ELFN1: variants seen among roughly 807,000 people sequenced by gnomAD.
ELFN1 encodes protein ELFN1.
Under a neutral mutation model 7.6 loss-of-function variants are expected in ELFN1, and 6 were observed. That is an observed-to-expected ratio of 0.79 (90% CI 0.43 to 1.56). ELFN1 has a LOEUF of 1.56. Ranked by LOEUF, ELFN1 falls within the 40% of genes most tolerant of loss-of-function variation. The pLI is 0.01. For missense variants in ELFN1, 1,169 were observed against 1,232.2 expected (o/e 0.95, Z 0.77); for synonymous variants, 657 against 588.1 (o/e 1.12, Z -1.70).
At chr7:1,697,852 A>G (rs866396747) in intron 2 of ELFN1, among the ~76,000 whole-genome samples, 1 of 152,162 alleles carries the variant, frequency 6.6e-6, no homozygotes, top group Non-Finnish European at 1.5e-5. Context: ...TGGTGCAATC[A>G]TGGCTCACGG....
At chr7:1,725,367 G>A (rs537597266) in intron 3 of ELFN1, among the ~76,000 whole-genome samples, 140 of 152,258 alleles carry the variant, frequency 9.2e-4, no homozygotes, top group African/African-American at 3.1e-3. Flanking sequence ...ACAGTGGGAC[G>A]GGACAGGGCG....
upstream of ELFN1, among the ~76,000 whole-genome samples, chr7:1,668,748 G>A (rs1029630913): frequency 5.3e-5 from 8 of 152,252 alleles, no homozygotes; most frequent in African/African-American, 1.9e-4. Flanking sequence ...GGTAAACAAG[G>A]ACCTGCTCTT....
At chr7:1,731,134 A>G (rs1780317428) in intron 3 of ELFN1, among the ~76,000 whole-genome samples, 2 of 152,222 alleles carry the variant, frequency 1.3e-5, no homozygotes, top group Non-Finnish European at 2.9e-5. Context: ...GATCATTATG[A>G]AAAACTCTCT....
Position 1,739,946 on chromosome 7 carries a change from G to C in ELFN1, c.-293-4358G>C, listed in dbSNP as rs527479979. On this transcript the variant is annotated intron_variant, in intron 3 of 3. Coordinates refer to ENST00000424383, the MANE Select transcript of ELFN1 (RefSeq NM_001128636.4). The surrounding 1 kb of genome is among the most constrained non-coding windows in gnomAD (Gnocchi z 4.6). ...GGCTGGAAGTTACACAGGTCAAGTT[G>C]GTTTGTTTTATGGAAGGTTCTAGAA... 1.8e-3 allele frequency among the ~76,000 whole-genome samples: 277 copies of C among 152,314 alleles called. 2 individuals carry two copies. The highest frequency in any genetic ancestry group is 3.4e-3 in the Non-Finnish European group (232 of 68,016).
chr7:1,682,236 C>G (rs184408660), intron 1 of ELFN1, among the ~76,000 whole-genome samples: 15 of 152,246 alleles, frequency 9.9e-5, no homozygotes, highest in African/African-American at 3.4e-4. Flanking sequence ...CGTTTATAGC[C>G]TTAGCTCTTG....
rs1267534073 is a variant in ELFN1 at position 1,744,346 on chromosome 7, A to G, written c.-251A>G. On this transcript the variant is annotated 5_prime_UTR_variant, in exon 4 of 4. Coordinates refer to ENST00000424383, the MANE Select transcript of ELFN1 (RefSeq NM_001128636.4). ...GAGGAGTCAGTGGAGCCATCAGGAC[A>G]CCCAGGCCCATGGGGCAGGAGGCCT... 4 of 481,434 alleles carry G rather than the reference A, an allele frequency of 8.3e-6. No homozygotes were observed. The highest frequency in any genetic ancestry group is 1.4e-5 in the Non-Finnish European group (4 of 276,722). 29.8% of individuals were successfully genotyped at this position (481,434 alleles called of 1,614,324 possible).
rs541333609 is a variant in ELFN1 at position 1,726,256 on chromosome 7, T to C, written c.-294+17004T>C. ...ATGCTGGGATGGGGACATGAGCCAC[T>C]GTGGGTCTCTGGGTGGTGCTCCCAC... On this transcript the variant is annotated intron_variant, in intron 3 of 3. Transcript: ENST00000424383. Among the ~76,000 whole-genome samples, 15 of 152,274 alleles carry C rather than the reference T, an allele frequency of 9.9e-5. No individual in the cohort carries two copies. The East Asian group carries it at 2.7e-3, about 28-fold the overall frequency.
rs1778815513 is a variant in ELFN1, at chr7:1,673,874, A to G, written c.-549+3520A>G. Among the ~76,000 whole-genome samples the G allele has an allele frequency of 2.0e-5, 3 of 152,140 alleles. No homozygotes were observed. Among genetic ancestry groups the G allele is most frequent in the Admixed American group, 2.0e-4 (3 of 15,278 alleles). On this transcript the variant is annotated intron_variant, in intron 1 of 3. Coordinates refer to ENST00000424383, the MANE Select transcript of ELFN1 (RefSeq NM_001128636.4). The surrounding 1 kb of genome is among the most constrained non-coding windows in gnomAD (Gnocchi z 4.7). ...CTGGACCAGGCCTCCACACCTGTAGAGCTGTCCTGGGGCAGCTGGGGTCTT... is the reference window on the plus strand; with the variant it reads ...CTGGACCAGGCCTCCACACCTGTAGGGCTGTCCTGGGGCAGCTGGGGTCTT...
intron 1 of ELFN1, among the ~76,000 whole-genome samples, 98 bp from the exon 2 acceptor site, chr7:1,687,960 G>A (rs1779088691): frequency 6.6e-6 from 1 of 150,830 alleles, no homozygotes; most frequent in Admixed American, 6.6e-5. Flanking sequence ...CAGACTTCCT[G>A]CTCAAGTAAT....
chr7:1,707,453 C>A (rs1429200321), intron 2 of ELFN1, among the ~76,000 whole-genome samples: 2 of 152,198 alleles, frequency 1.3e-5, no homozygotes, highest in Non-Finnish European at 2.9e-5. Context: ...TGCATCGCAG[C>A]ATCTGCCCTC....
At chr7:1,738,161 C>A (rs937605091) in intron 3 of ELFN1, among the ~76,000 whole-genome samples, 1 of 152,230 alleles carries the variant, frequency 6.6e-6, no homozygotes, top group African/African-American at 2.4e-5. Flanking sequence ...GGGCTTCCCA[C>A]CCAGACCACG....
chr7:1,682,691 C>A (rs1778995024), intron 1 of ELFN1, among the ~76,000 whole-genome samples: 1 of 151,588 alleles, frequency 6.6e-6, no homozygotes, highest in African/African-American at 2.4e-5. Flanking sequence ...ATGATCTTCC[C>A]ATCTTGGCCT....
At chr7:1,679,944 G>T (rs983255975) in intron 1 of ELFN1, among the ~76,000 whole-genome samples, 30 of 152,268 alleles carry the variant, frequency 2.0e-4, no homozygotes, top group African/African-American at 6.3e-4. Context: ...CAGGGACAGA[G>T]ATGGAACGGG....
At chr7:1,701,705 G>A (rs1779431647) in intron 2 of ELFN1, among the ~76,000 whole-genome samples, 1 of 152,140 alleles carries the variant, frequency 6.6e-6, no homozygotes, top group African/African-American at 2.4e-5. Flanking sequence ...GGGAGGCTGG[G>A]GTGGGAGGAT....
chr7:1,746,968 A>T lies in ELFN1; in HGVS notation c.2372A>T (p.Glu791Val), dbSNP rs764807037. ...AGCCGCCGGCGGCACAAGGAGGAAGAGGAGTTCATGGCCGCGGGCCATGCC... is the reference window on the plus strand; with the variant it reads ...AGCCGCCGGCGGCACAAGGAGGAAGTGGAGTTCATGGCCGCGGGCCATGCC... ...RLSRRRHKEE[E>V]EFMAAGHALR... Residue 791 changes from glutamate (E) to valine (V), a missense_variant, in exon 4 of 4, where the codon GAG becomes GTG. Physicochemically the swap from Glu to Val is moderately radical, Grantham distance 121 (BLOSUM62 -2). Coordinates refer to ENST00000424383, the MANE Select transcript of ELFN1 (RefSeq NM_001128636.4). The T allele has an allele frequency of 2.9e-4, 458 of 1,555,524 alleles. 5 individuals are homozygous for T. The East Asian group carries it at 0.011, about 37-fold the overall frequency.
intron 3 of ELFN1, among the ~76,000 whole-genome samples, chr7:1,736,437 G>A (rs538664099): frequency 2.6e-5 from 4 of 152,188 alleles, no homozygotes; most frequent in Non-Finnish European, 5.9e-5. Flanking sequence ...ACAGATGCAC[G>A]CCCGTCCCAG....
chr7:1,698,285 A>G (rs1779359321), intron 2 of ELFN1, among the ~76,000 whole-genome samples: 3 of 152,218 alleles, frequency 2.0e-5, no homozygotes, highest in Admixed American at 2.0e-4. Flanking sequence ...ACAATTCATC[A>G]GGTTAATGCC....
At chr7:1,676,117 A>G (rs1327291169) in intron 1 of ELFN1, among the ~76,000 whole-genome samples, 1 of 152,096 alleles carries the variant, frequency 6.6e-6, no homozygotes, top group East Asian at 1.9e-4. Flanking sequence ...ATCCCAAGGG[A>G]GATGGCATTA....
At chr7:1,714,391 C>G (rs1015652138) in intron 3 of ELFN1, among the ~76,000 whole-genome samples, 12 of 152,192 alleles carry the variant, frequency 7.9e-5, no homozygotes, top group African/African-American at 2.7e-4. Flanking sequence ...CCGTTCACCA[C>G]CCCCCACACC....
Sources: allele counts gnomAD v4.1 joint callset (sites outside exome capture counted in the v4.1 genomes callset), GRCh38; gene constraint gnomAD v4.1.1; non-coding constraint Gnocchi (gnomAD v3.1); transcripts MANE v1.5; gene names NCBI Gene and HGNC (gene_info 2026-07-23, HGNC 2026-07-21).